E4F1: variants seen among roughly 807,000 people sequenced by gnomAD.
E4F1 encodes the protein E4F transcription factor 1.
Under a neutral mutation model 72.9 loss-of-function variants are expected in E4F1, and 30 were observed. The ratio of observed to expected loss-of-function variants is 0.41; its 90% CI spans 0.31 to 0.56. The LOEUF (loss-of-function observed/expected upper bound fraction) is 0.56, where lower values mean the gene tolerates loss of function less well. E4F1 is among the 20% of genes least tolerant of loss of function. The pLI is 0.25. For missense variants in E4F1, 1,091 were observed against 1,117.5 expected (o/e 0.98, Z 0.34); for synonymous variants, 542 against 478.2 (o/e 1.13, Z -1.74).
intron 1 of E4F1, among the ~76,000 whole-genome samples, chr16:2,225,081 T>G (rs2093423543): frequency 6.6e-6 from 1 of 151,742 alleles, no homozygotes; most frequent in Non-Finnish European, 1.5e-5. Context: ...GGCGTGGTGG[T>G]GCGCGTCTGT....
rs1567306225 is a variant in E4F1, at chr16:2,235,078, CAGGCCACTG to C, written c.1936-2_1942del. The C allele has an allele frequency of 6.2e-7, 1 of 1,612,542 alleles. No individual in the cohort carries two copies. ...ACCTCTGTCCTTCTGCCCATCTGCC[CAGGCCACTG>C]CGGACGATGCGGAGACCAGTGAGGC... On this transcript the variant is annotated splice_acceptor_variant and coding_sequence_variant, in exon 13 of 14. Coordinates refer to ENST00000301727, the MANE Select transcript of E4F1 (RefSeq NM_004424.5). LOFTEE classifies it high-confidence loss of function.
chr16:2,229,707 T>G (rs750664055), intron 3 of E4F1, 32 bp downstream of exon 3: 1 of 1,607,338 alleles, frequency 6.2e-7, no homozygotes, highest in Non-Finnish European at 8.5e-7. Context: ...GCTGGCCTGA[T>G]AGACCTTCGT....
At chr16:2,225,551 G>A (rs1342026086) in intron 1 of E4F1, among the ~76,000 whole-genome samples, 1 of 149,450 alleles carries the variant, frequency 6.7e-6, no homozygotes, top group East Asian at 2.0e-4. Context: ...TCGGCTCACC[G>A]CAACCTCCGC....
intron 3 of E4F1, 145 bp from the exon 4 acceptor site, chr16:2,232,026 G>C (rs1300998289): frequency 1.1e-5 from 11 of 989,280 alleles, no homozygotes; most frequent in Non-Finnish European, 1.6e-5. Context: ...CTTGGCTGTT[G>C]CTCGGACCTG....
At chr16:2,225,231 G>A (rs188929679) in intron 1 of E4F1, among the ~76,000 whole-genome samples, 2 of 152,118 alleles carry the variant, frequency 1.3e-5, no homozygotes, top group East Asian at 3.9e-4. Flanking sequence ...AAAAGATTGT[G>A]TGTCATGTGC....
At chr16:2,223,872 A>AG in intron 1 of E4F1, 102 bp downstream of exon 1, 1 of 1,532,526 alleles carries the variant, frequency 6.5e-7, no homozygotes, top group Middle Eastern at 1.7e-4. Flanking sequence ...CGACCCTCCC[A>AG]GACCCAGACA....
rs1179271198 is a variant in E4F1, at chr16:2,233,608, C to T, written c.1227C>T (p.Ala409=). Residue 409 remains alanine (A), a synonymous_variant, in exon 8 of 14, where the codon GCC becomes GCT. Coordinates refer to ENST00000301727, the MANE Select transcript of E4F1 (RefSeq NM_004424.5). ...GTCCCCAGCCCCTGGCAGTGGCAGC[C>T]CCGCAGCTGCCGGTACTGGAAGTGC... ...GSSPQPLAVA[A]PQLPVLEVQP... 1 of 1,509,144 alleles carries T rather than the reference C, an allele frequency of 6.6e-7. No individual in the cohort carries two copies. Among genetic ancestry groups the T allele is most frequent in the Non-Finnish European group, 8.9e-7 (1 of 1,127,804 alleles). 93.5% of individuals were successfully genotyped at this position (1,509,144 alleles called of 1,614,324 possible).
Position 2,235,466 on chromosome 16 carries a change from C to T in E4F1, c.2249C>T (p.Thr750Ile). Reference protein sequence around the residue: ...RAGTSGTEQATVTMVSSEDIE... With the variant: ...RAGTSGTEQAIVTMVSSEDIE... ...GGGACAAGTGGCACTGAACAGGCCA[C>T]TGTGACCATGGTGTCATCAGAGGAC... is the stretch of plus-strand genomic sequence containing the variant. The change falls in exon 14 of 14, where the codon ACT (threonine) becomes ATT (isoleucine). Residue 750 changes from threonine (T) to isoleucine (I), a missense_variant. This residue lies in a region of E4F1 where 622 missense variants were observed against 628.0 expected (regional missense o/e 0.99). Coordinates refer to ENST00000301727, the MANE Select transcript of E4F1 (RefSeq NM_004424.5). 3 of 1,612,602 alleles carry T rather than the reference C, an allele frequency of 1.9e-6. No individual in the cohort carries two copies. The highest frequency in any genetic ancestry group is 2.5e-6 in the Non-Finnish European group (3 of 1,179,802).
At position 2,234,983 on chromosome 16, in the gene E4F1, C is replaced by A. The variant is rs757203343; in HGVS notation, c.1917C>A (p.Thr639=). Residue 639 remains threonine, a synonymous_variant, in exon 12 of 14, where the codon ACC becomes ACA. Transcript: ENST00000301727. Reference sequence around the variant, plus strand: ...AGTTCTCGTCCGTGGTAGCTGACACCCAGGAGTATATCATCGAGGTGGGTG... The same window carrying A: ...AGTTCTCGTCCGTGGTAGCTGACACACAGGAGTATATCATCGAGGTGGGTG... The part of the protein sequence containing the change: ...LVEFSSVVAD[T]QEYIIEATAD... The A allele has an allele frequency of 1.2e-6, 2 of 1,609,114 alleles. No individual in the cohort carries two copies. The highest frequency in any genetic ancestry group is 2.2e-5 in the East Asian group (1 of 44,738).
chr16:2,232,531 T>A lies in E4F1; in HGVS notation c.685T>A (p.Phe229Ile), dbSNP rs2093473966. 1 of 1,612,142 alleles carries A rather than the reference T, an allele frequency of 6.2e-7. No individual in the cohort carries two copies. The highest frequency in any genetic ancestry group is 8.5e-7 in the Non-Finnish European group (1 of 1,179,692). Residue 229 changes from phenylalanine (F) to isoleucine (I), a missense_variant, in exon 5 of 14, where the codon TTC becomes ATC. By Grantham distance (21) the Phe-to-Ile change is conservative. This residue lies in a region of E4F1 where 362 missense variants were observed against 358.6 expected (regional missense o/e 1.01). Coordinates refer to ENST00000301727, the MANE Select transcript of E4F1 (RefSeq NM_004424.5). ...DHECKLCGAS[F>I]RTKGSLIRHH... ...CGAGTGCAAGCTCTGTGGGGCCTCC[T>A]TCCGCACCAAGGGCTCACTCATCCG... is the stretch of plus-strand genomic sequence containing the variant.
chr16:2,230,079 G>A (rs1415195197), intron 3 of E4F1: 1 of 266,358 alleles, frequency 3.8e-6, no homozygotes, highest in Non-Finnish European at 7.7e-6. Flanking sequence ...GGCTCTGGAG[G>A]GTGGGTACAG....
At chr16:2,231,286 T>G (rs2093466307) in intron 3 of E4F1, 1 of 152,434 alleles carries the variant, frequency 6.6e-6, no homozygotes, top group African/African-American at 2.4e-5. Context: ...AAAGTTCGCG[T>G]CTCCTCTGGC....
In E4F1 at chr16:2,232,804, C is replaced by T. The variant is rs776338481; in HGVS notation, c.779C>T (p.Ser260Leu). Reference protein sequence around the residue: ...CSKCGKSFRESGALTRHLKSL... With the variant: ...CSKCGKSFRELGALTRHLKSL... ...AAGTGTGGAAAGAGCTTCCGGGAGTCGGGTGCACTGACCCGGCACCTCAAG... is the reference window on the plus strand; with the variant it reads ...AAGTGTGGAAAGAGCTTCCGGGAGTTGGGTGCACTGACCCGGCACCTCAAG... Residue 260 changes from serine to leucine, a missense_variant, in exon 6 of 14, where the codon TCG (serine) becomes TTG (leucine). Ser to Leu is a moderately radical substitution (Grantham distance 145, BLOSUM62 -2). Transcript: ENST00000301727. The T allele has an allele frequency of 5.6e-6, 9 of 1,613,290 alleles. No homozygotes were observed. The highest frequency in any genetic ancestry group is 1.1e-5 in the South Asian group (1 of 91,090).
intron 7 of E4F1, 91 bp downstream of exon 7, chr16:2,233,274 G>A (rs1252492305): frequency 1.3e-6 from 2 of 1,502,198 alleles, no homozygotes; most frequent in Non-Finnish European, 1.8e-6. Context: ...AGGGGTCTGA[G>A]CCAGGCAGGC....
At chr16:2,234,459 C>T (rs2093490185) in intron 10 of E4F1, 71 bp downstream of exon 10, 9 of 1,585,328 alleles carry the variant, frequency 5.7e-6, no homozygotes, top group Non-Finnish European at 6.9e-6. Flanking sequence ...CCCAGGTGCA[C>T]CCCCTTCCCT....
chr16:2,229,474 C>T lies in E4F1; in HGVS notation c.310-96C>T, dbSNP rs570282079. 4 of 1,353,108 alleles carry T rather than the reference C, an allele frequency of 3.0e-6. No individual in the cohort carries two copies. In the South Asian group the frequency reaches 3.7e-5, roughly 12 times the overall value. 83.8% of individuals were successfully genotyped at this position (1,353,108 alleles called of 1,614,324 possible). The stretch of plus-strand genomic sequence containing the variant: ...CAGGCCTGAGCACCACAAGTCACAC[C>T]TCCACAGCTTTACACTGGCAGAGCC... On this transcript the variant is annotated intron_variant, in intron 2 of 13. Coordinates refer to ENST00000301727, the MANE Select transcript of E4F1 (RefSeq NM_004424.5).
Position 2,234,315 on chromosome 16 carries a change from G to C in E4F1, c.1520G>C (p.Arg507Pro). 6.2e-7 allele frequency: 1 copy of C among 1,613,004 alleles called. No individual in the cohort carries two copies. The highest frequency in any genetic ancestry group is 2.2e-5 in the East Asian group (1 of 44,884). Residue 507 changes from arginine to proline, a missense_variant, in exon 10 of 14, where the codon CGT becomes CCT. Around this residue, in one of 5 missense-constraint regions of E4F1, gnomAD observed 622 missense variants for 628.0 expected, o/e 0.99. Coordinates refer to ENST00000301727, the MANE Select transcript of E4F1 (RefSeq NM_004424.5). ...GKLYKTIAHVRGHRRVHSDER... is the reference protein window; with the variant it reads ...GKLYKTIAHVPGHRRVHSDER... The stretch of plus-strand genomic sequence containing the variant: ...CTCTACAAGACCATTGCCCATGTGC[G>C]TGGCCACCGGCGCGTCCACTCAGAC...
Position 2,234,985 on chromosome 16 carries a change from A to G in E4F1, c.1919A>G (p.Gln640Arg). Residue 640 changes from glutamine to arginine, a missense_variant, in exon 12 of 14, where the codon CAG becomes CGG. This residue lies in a region of E4F1 where 622 missense variants were observed against 628.0 expected (regional missense o/e 0.99). Transcript: ENST00000301727. ...TTCTCGTCCGTGGTAGCTGACACCC[A>G]GGAGTATATCATCGAGGTGGGTGTG... ...VEFSSVVADT[Q>R]EYIIEATADD... 1 of 1,609,640 alleles carries G rather than the reference A, an allele frequency of 6.2e-7. No individual in the cohort carries two copies. Among genetic ancestry groups the G allele is most frequent in the Non-Finnish European group, 8.5e-7 (1 of 1,178,554 alleles).
At position 2,235,572 on chromosome 16, in the gene E4F1, G is replaced by T. The variant is rs761402215; in HGVS notation, c.2355G>T (p.Ter785TyrextTer17). 12 of 1,588,724 alleles carry T rather than the reference G, an allele frequency of 7.6e-6. No individual in the cohort carries two copies. Among genetic ancestry groups the T allele is most frequent in the Non-Finnish European group, 7.7e-6 (9 of 1,164,414 alleles). ...GQLEVQTVIV[*>Y] The stretch of plus-strand genomic sequence containing the variant: ...TGGAGGTGCAGACGGTCATCGTCTA[G>T]CATGAGGTCTGCGGGGTCCTGGCCG... Residue 785 changes from the stop codon to tyrosine, a stop_lost, in exon 14 of 14, where the codon TAG becomes TAT. Transcript: ENST00000301727.
Sources: gnomAD v4.1 joint callset for allele counts (sites outside exome capture counted in the v4.1 genomes callset) on GRCh38, gnomAD v4.1.1 for gene constraint, gnomAD v4.1.1 regional missense constraint, MANE v1.5 for transcripts, NCBI Gene and HGNC (gene_info 2026-07-23, HGNC 2026-07-21) for gene names.